Variants in FAM118B observed in about 807,000 individuals in gnomAD.
FAM118B encodes the protein SIR2 antiphage like 1, also known as protein FAM118B.
A neutral mutation model predicts 38.5 loss-of-function variants in FAM118B; 24 were observed. The observed-to-expected ratio is 0.62, with a 90% CI of 0.45 to 0.88. The LOEUF (loss-of-function observed/expected upper bound fraction) is 0.88. FAM118B is among the 40% of genes least tolerant of loss of function. The pLI is 0.00. For missense variants in FAM118B, 334 were observed against 420.0 expected (o/e 0.80, Z 1.79); for synonymous variants, 138 against 156.3 (o/e 0.88, Z 0.87).
At chr11:126,213,244 T>A (rs2135114184) in intron 1 of FAM118B, among the ~76,000 whole-genome samples, 1 of 152,314 alleles carries the variant, frequency 6.6e-6, no homozygotes, top group East Asian at 1.9e-4. Flanking sequence ...ATTGTCTTAT[T>A]TCTGTCAATG....
At chr11:126,237,971 T>A (rs929927496) in intron 3 of FAM118B, among the ~76,000 whole-genome samples, 1 of 152,170 alleles carries the variant, frequency 6.6e-6, no homozygotes. Context: ...TCTCTCTACC[T>A]GCTAGTTTGT....
intron 1 of FAM118B, among the ~76,000 whole-genome samples, chr11:126,223,564 C>T (rs1358352660): frequency 1.3e-5 from 2 of 149,360 alleles, no homozygotes; most frequent in African/African-American, 5.0e-5. Context: ...CCACTGCACT[C>T]CAGCCTGGGC....
Position 126,256,512 on chromosome 11 carries a change from G to C in FAM118B, c.697-55G>C. ...AACGTAGCATGACCTTCTTGTTTCA[G>C]ACTTGCCTTGAGTGTGTCTTCACAA... On this transcript the variant is annotated intron_variant, in intron 6 of 8. Coordinates refer to ENST00000533050, the MANE Select transcript of FAM118B (RefSeq NM_024556.4). This position sits in a 1 kb window ranked among gnomAD's most constrained non-coding sequence, Gnocchi z 6.6. 2 of 1,551,154 alleles carry C rather than the reference G, an allele frequency of 1.3e-6. No homozygotes were observed. Among genetic ancestry groups the C allele is most frequent in the Non-Finnish European group, 1.8e-6 (2 of 1,136,760 alleles).
intron 8 of FAM118B, 32 bp from the exon 9 acceptor site, chr11:126,262,088 T>C: frequency 6.2e-7 from 1 of 1,613,836 alleles, no homozygotes; most frequent in Non-Finnish European, 8.5e-7. Flanking sequence ...TTTGTGAAAC[T>C]TCATTTTGTT....
Position 126,223,005 on chromosome 11 carries a change from A to G in FAM118B, c.-76-6220A>G, listed in dbSNP as rs577960662. Among the ~76,000 whole-genome samples, 6 of 141,510 alleles carry G rather than the reference A, an allele frequency of 4.2e-5. No individual in the cohort carries two copies. The South Asian group carries it at 6.9e-4, about 16-fold the overall frequency. The allele number at this position is 141,510 out of a possible 152,430, so 92.8% of individuals were successfully genotyped here. ...GGAAAACCAGGCTACAGATGGTAAC[A>G]TTTAAATTGAGATGCCAAGGAGGAG... On this transcript the variant is annotated intron_variant, in intron 1 of 8. Coordinates refer to ENST00000533050, the MANE Select transcript of FAM118B (RefSeq NM_024556.4).
In FAM118B at chr11:126,255,187, GA is replaced by G. The variant is rs1314518656; in HGVS notation, c.696+758del. On this transcript the variant is annotated intron_variant, in intron 6 of 8. Transcript: ENST00000533050. This position sits in a 1 kb window ranked among gnomAD's most constrained non-coding sequence, Gnocchi z 4.6. ...ACATTTATTCACACTTACTCTTTGT[GA>G]AAAGCTTATTGATCTTTTGGGATGC... 6.6e-6 allele frequency among the ~76,000 whole-genome samples: 1 copy of G among 152,264 alleles called. No homozygotes were observed. Among genetic ancestry groups the G allele is most frequent in the Admixed American group, 6.5e-5 (1 of 15,282 alleles).
In FAM118B at chr11:126,256,450, A is replaced by T; in HGVS notation, c.697-117A>T. On this transcript the variant is annotated intron_variant, in intron 6 of 8. Transcript: ENST00000533050. The surrounding 1 kb of genome is among the most constrained non-coding windows in gnomAD (Gnocchi z 6.6). ...ACTCCTTGATGGGACATACCAACCC[A>T]CTTAAGTCTTGCTTAATTGGTCATC... The T allele has an allele frequency of 1.2e-6, 1 of 849,104 alleles. No individual in the cohort carries two copies. 52.6% of individuals were successfully genotyped at this position (849,104 alleles called of 1,614,324 possible).
chr11:126,254,237 G>A, intron 5 of FAM118B, 68 bp from the exon 6 acceptor site: 1 of 1,557,452 alleles, frequency 6.4e-7, no homozygotes, highest in South Asian at 1.2e-5. Flanking sequence ...ACAGCCTCTT[G>A]CCCATTGTGA....
intron 3 of FAM118B, among the ~76,000 whole-genome samples, chr11:126,239,386 CTATT>C (rs1745216310): frequency 6.6e-6 from 1 of 152,152 alleles, no homozygotes; most frequent in South Asian, 2.1e-4. Flanking sequence ...CATTTAACCA[CTATT>C]TATACATCTT....
rs753510526 is a variant in FAM118B, at chr11:126,250,689, CA to C, written c.524del (p.Gln175ArgfsTer26). 15 of 1,613,950 alleles carry C rather than the reference CA, an allele frequency of 9.3e-6. No homozygotes were observed. Among genetic ancestry groups the C allele is most frequent in the Non-Finnish European group, 1.2e-5 (14 of 1,179,998 alleles). ...TCTCTTGGAACTGTATGCAGCAGAT[CA>C]GGGGAAACAGCTTGAATCCCTTGAC... is the stretch of plus-strand genomic sequence containing the variant. ...DNLLELYAAD[Q>X]GKQLESLDLT... On this transcript the variant is annotated frameshift_variant, in exon 5 of 9. Coordinates refer to ENST00000533050, the MANE Select transcript of FAM118B (RefSeq NM_024556.4). LOFTEE classifies it high-confidence loss of function. The surrounding 1 kb of genome is among the most constrained non-coding windows in gnomAD (Gnocchi z 5.1).
intron 1 of FAM118B, among the ~76,000 whole-genome samples, chr11:126,212,562 G>A (rs1591494373): frequency 6.6e-6 from 1 of 152,300 alleles, no homozygotes; most frequent in East Asian, 1.9e-4. Context: ...AATAACTTGG[G>A]ATATACCTGC....
intron 1 of FAM118B, among the ~76,000 whole-genome samples, chr11:126,216,518 CATGAT>C (rs1949980979): frequency 6.6e-6 from 1 of 152,188 alleles, no homozygotes; most frequent in South Asian, 2.1e-4. Flanking sequence ...ATTCTTGAAA[CATGAT>C]ATAACAAAAC....
intron 1 of FAM118B, chr11:126,214,504 T>TTTTTG (rs1949949617): frequency 2.4e-5 from 1 of 42,466 alleles, no homozygotes; most frequent in African/African-American, 6.9e-5. Flanking sequence ...TTTTTTTTTG[T>TTTTTG]TTTTTTTTTG....
At chr11:126,237,438 A>G (rs929930376) in intron 3 of FAM118B, among the ~76,000 whole-genome samples, 3 of 142,776 alleles carry the variant, frequency 2.1e-5, no homozygotes, top group African/African-American at 7.7e-5. Flanking sequence ...GGTTTTCACC[A>G]TGTTGACCAG....
Position 126,253,492 on chromosome 11 carries a change from T to G in FAM118B, c.568-813T>G, listed in dbSNP as rs1406082275. On this transcript the variant is annotated intron_variant, in intron 5 of 8. Coordinates refer to ENST00000533050, the MANE Select transcript of FAM118B (RefSeq NM_024556.4). The surrounding 1 kb of genome is among the most constrained non-coding windows in gnomAD (Gnocchi z 5.1). Reference sequence around the variant, plus strand: ...CTTCGCTGGCAGCCTTTTAGGTTCCTCAGAGGTGACTGAAGTGATTTTTCT... The same window carrying G: ...CTTCGCTGGCAGCCTTTTAGGTTCCGCAGAGGTGACTGAAGTGATTTTTCT... 6.6e-6 allele frequency among the ~76,000 whole-genome samples: 1 copy of G among 152,240 alleles called. No individual in the cohort carries two copies. Among genetic ancestry groups the G allele is most frequent in the Non-Finnish European group, 1.5e-5 (1 of 68,046 alleles).
At chr11:126,228,124 C>T (rs1950167093) in intron 1 of FAM118B, among the ~76,000 whole-genome samples, 1 of 151,768 alleles carries the variant, frequency 6.6e-6, no homozygotes, top group South Asian at 2.1e-4. Context: ...ATTTTCAGCT[C>T]TATTTAAGTT....
In FAM118B at chr11:126,256,708, A is replaced by C; in HGVS notation, c.838A>C (p.Arg280=). 6.2e-7 allele frequency: 1 copy of C among 1,614,142 alleles called. No individual in the cohort carries two copies. The highest frequency in any genetic ancestry group is 8.5e-7 in the Non-Finnish European group (1 of 1,180,028). Residue 280 remains arginine (R), a synonymous_variant, in exon 7 of 9, where the codon AGA becomes CGA. Coordinates refer to ENST00000533050, the MANE Select transcript of FAM118B (RefSeq NM_024556.4). The surrounding 1 kb of genome is among the most constrained non-coding windows in gnomAD (Gnocchi z 6.6). ...CCTAGAACATTTCATGCTGGTTCGGAGAGGAGACGTAGATGAGTTCAAAAA... is the reference window on the plus strand; with the variant it reads ...CCTAGAACATTTCATGCTGGTTCGGCGAGGAGACGTAGATGAGTTCAAAAA... ...SDLEHFMLVR[R]GDVDEFKKLR... is the part of the protein sequence containing the mutation.
In FAM118B at chr11:126,211,829, C is replaced by G. The variant is rs994672021; in HGVS notation, c.-78C>G. 3.2e-6 allele frequency: 2 copies of G among 619,556 alleles called. No homozygotes were observed. The highest frequency in any genetic ancestry group is 1.8e-5 in the African/African-American group (1 of 54,118). 38.4% of individuals were successfully genotyped at this position (619,556 alleles called of 1,614,324 possible). ...GGAGCAGTGGCGTTTGGAGGAGACT[C>G]GGTGAGTGTGTAGGGAAGCCGGGCT... On this transcript the variant is annotated splice_region_variant and 5_prime_UTR_variant, in exon 1 of 9. Coordinates refer to ENST00000533050, the MANE Select transcript of FAM118B (RefSeq NM_024556.4).
intron 1 of FAM118B, among the ~76,000 whole-genome samples, chr11:126,212,047 C>T (rs1047890604): frequency 1.3e-5 from 2 of 152,204 alleles, no homozygotes; most frequent in African/African-American, 4.8e-5. Context: ...TCCTAGGCAC[C>T]GACGCCGTCC....
Sources: gnomAD v4.1 joint callset for allele counts (sites outside exome capture counted in the v4.1 genomes callset) on GRCh38, gnomAD v4.1.1 for gene constraint, Gnocchi (gnomAD v3.1) non-coding constraint, MANE v1.5 for transcripts, NCBI Gene and HGNC (gene_info 2026-07-23, HGNC 2026-07-21) for gene names.